PTF1A: variants seen among roughly 807,000 people sequenced by gnomAD.
The protein encoded by PTF1A is pancreas associated transcription factor 1a, also known as pancreas transcription factor 1 subunit alpha.
Under a neutral mutation model 22.6 loss-of-function variants are expected in PTF1A, and 18 were observed. The ratio of observed to expected loss-of-function variants is 0.80; its 90% CI spans 0.55 to 1.18. The LOEUF is 1.18. Among genes scored for constraint, PTF1A ranks in the 50% most tolerant of loss-of-function variants. PTF1A has a pLI of 0.00. For missense variants in PTF1A, 477 were observed against 473.0 expected, an observed-to-expected ratio of 1.01 and a Z score of -0.08; for synonymous variants, 259 against 227.9, an observed-to-expected ratio of 1.14 and a Z score of -1.23.
intron 1 of PTF1A, 114 bp from the exon 2 acceptor site, chr10:23,193,590 G>T (rs1840926096): frequency 1.1e-6 from 1 of 884,780 alleles, no homozygotes; most frequent in Non-Finnish European, 1.9e-6. Flanking sequence ...TGGAGGAAGA[G>T]GGTGGTTCTA....
Position 23,193,255 on chromosome 10 carries a change from T to C in PTF1A, c.725T>C (p.Leu242Pro). 8.0e-7 allele frequency: 1 copy of C among 1,246,238 alleles called. No individual in the cohort carries two copies. Among genetic ancestry groups the C allele is most frequent in the East Asian group, 3.2e-5 (1 of 30,922 alleles). 77.2% of individuals were successfully genotyped at this position (1,246,238 alleles called of 1,614,324 possible). Residue 242 changes from leucine to proline, a missense_variant, in exon 1 of 2, where the codon CTG becomes CCG. By Grantham distance (98) the Leu-to-Pro change is moderately conservative. Coordinates refer to ENST00000376504, the MANE Select transcript of PTF1A (RefSeq NM_178161.3). ...GGGGGGCCGGGCGGCGGCGGGCGCC[T>C]GGGCGGGGACAGCCCGGGCAGCCAG... The part of the protein sequence containing the change: ...GCGGPGGGGR[L>P]GGDSPGSQAQ...
rs1439245341 is a variant in PTF1A, at chr10:23,193,867, C to T, written c.948C>T (p.Asn316=). The T allele has an allele frequency of 1.2e-6, 2 of 1,614,108 alleles. No individual in the cohort carries two copies. The highest frequency in any genetic ancestry group is 1.7e-5 in the Admixed American group (1 of 60,020). ...PRKLNSKSSF[N]NIENEPPFEF... Reference sequence around the variant, plus strand: ...AACTCAACAGCAAATCTTCCTTCAACAACATAGAAAACGAACCACCATTTG... The same window carrying T: ...AACTCAACAGCAAATCTTCCTTCAATAACATAGAAAACGAACCACCATTTG... Residue 316 remains asparagine (N), a synonymous_variant, in exon 2 of 2, where the codon AAC becomes AAT. Transcript: ENST00000376504.
rs773773722 is a variant in PTF1A at position 23,193,747 on chromosome 10, A to T, written c.828A>T (p.Leu276=). Residue 276 remains leucine, a synonymous_variant, in exon 2 of 2, where the codon CTA becomes CTT. Coordinates refer to ENST00000376504, the MANE Select transcript of PTF1A (RefSeq NM_178161.3). ...ACCCTGATTATGGCCTCCCTCCCCT[A>T]GCAGGACACTCTCTCTCATGGACTG... ...PSDPDYGLPP[L]AGHSLSWTDE... is the part of the protein sequence containing the mutation. 6.2e-7 allele frequency: 1 copy of T among 1,613,510 alleles called. No homozygotes were observed. Among genetic ancestry groups the T allele is most frequent in the African/African-American group, 1.3e-5 (1 of 74,876 alleles).
In PTF1A at chr10:23,193,724, C is replaced by A; in HGVS notation, c.805C>A (p.Pro269Thr). 6.2e-7 allele frequency: 1 copy of A among 1,612,664 alleles called. No homozygotes were observed. The highest frequency in any genetic ancestry group is 8.5e-7 in the Non-Finnish European group (1 of 1,178,886). ...RGTRSPSPSD[P>T]DYGLPPLAGH... Reference sequence around the variant, plus strand: ...TCCAGGGTCCCCCTCCCCCAGCGACCCTGATTATGGCCTCCCTCCCCTAGC... The same window carrying A: ...TCCAGGGTCCCCCTCCCCCAGCGACACTGATTATGGCCTCCCTCCCCTAGC... The change falls in exon 2 of 2, where the codon CCT becomes ACT. Residue 269 changes from proline to threonine, a missense_variant. Pro to Thr is a conservative substitution (Grantham distance 38). Coordinates refer to ENST00000376504, the MANE Select transcript of PTF1A (RefSeq NM_178161.3).
Position 23,193,820 on chromosome 10 carries a change from TGGACCCCAGA to T in PTF1A, c.912_921del (p.Asp305AsnfsTer11), listed in dbSNP as rs1840930653. ...AAATATTATCCGAACAGCCAAAGTC[TGGACCCCAGA>T]GGACCCCAGAAAACTCAACAGCAAA... On this transcript the variant is annotated frameshift_variant, in exon 2 of 2. Coordinates refer to ENST00000376504, the MANE Select transcript of PTF1A (RefSeq NM_178161.3). LOFTEE classifies it high-confidence loss of function. 6.2e-7 allele frequency: 1 copy of T among 1,614,088 alleles called. No individual in the cohort carries two copies. Among genetic ancestry groups the T allele is most frequent in the Non-Finnish European group, 8.5e-7 (1 of 1,179,990 alleles).
At position 23,192,964 on chromosome 10, in the gene PTF1A, CG is replaced by C; in HGVS notation, c.436del (p.Ala146LeufsTer131). The C allele has an allele frequency of 8.8e-7, 1 of 1,138,022 alleles. No individual in the cohort carries two copies. Among genetic ancestry groups the C allele is most frequent in the Non-Finnish European group, 1.1e-6 (1 of 930,590 alleles). 70.5% of individuals were successfully genotyped at this position (1,138,022 alleles called of 1,614,324 possible). On this transcript the variant is annotated frameshift_variant, in exon 1 of 2. Coordinates refer to ENST00000376504, the MANE Select transcript of PTF1A (RefSeq NM_178161.3). LOFTEE classifies it high-confidence loss of function. ...GARLRGLSGA[A>X]AAAARRRRRV... ...CGGCTGCGCGGCCTGAGCGGAGCGG[CG>C]GCTGCGGCGGCGCGGCGCCGGCGGC...
At position 23,194,160 on chromosome 10, in the gene PTF1A, G is replaced by A. The variant is rs994175386; in HGVS notation, c.*254G>A. On this transcript the variant is annotated 3_prime_UTR_variant, in exon 2 of 2. Transcript: ENST00000376504. Reference sequence around the variant, plus strand: ...TTTCCTGAACTCTGTGTTGTTGGGAGAACTCTGGCCAGAAAACGTCCTGCT... The same window carrying A: ...TTTCCTGAACTCTGTGTTGTTGGGAAAACTCTGGCCAGAAAACGTCCTGCT... The A allele has an allele frequency of 2.8e-5, 12 of 425,790 alleles. No individual in the cohort carries two copies. The highest frequency in any genetic ancestry group is 4.6e-5 in the Non-Finnish European group (11 of 240,268). 26.4% of individuals were successfully genotyped at this position (425,790 alleles called of 1,614,324 possible).
Position 23,193,127 on chromosome 10 carries a change from C to A in PTF1A, c.597C>A (p.Leu199=). ...HIPTLPYEKR[L]SKVDTLRLAI... ...CCACGCTGCCCTACGAGAAGCGCCT[C>A]TCCAAGGTGGACACGCTGCGCCTGG... is the stretch of plus-strand genomic sequence containing the variant. The change falls in exon 1 of 2, where the codon CTC becomes CTA. Residue 199 remains leucine, a synonymous_variant. Transcript: ENST00000376504. The A allele has an allele frequency of 6.9e-7, 1 of 1,447,294 alleles. No individual in the cohort carries two copies. The highest frequency in any genetic ancestry group is 9.1e-7 in the Non-Finnish European group (1 of 1,094,346). The allele number at this position is 1,447,294 out of a possible 1,614,324, so 89.7% of individuals were successfully genotyped here.
rs1840910519 is a variant in PTF1A, at chr10:23,192,875, C to T, written c.345C>T (p.Pro115=). The change falls in exon 1 of 2, where the codon CCC becomes CCT. Residue 115 remains proline, a synonymous_variant. Coordinates refer to ENST00000376504, the MANE Select transcript of PTF1A (RefSeq NM_178161.3). ...CCCCAGGCGGCTTCCCCTACTCGCC[C>T]GGCTCGCCGCCCTCGTGCCTGGCCT... is the stretch of plus-strand genomic sequence containing the variant. ...GAPPGGFPYS[P]GSPPSCLAYP... is the part of the protein sequence containing the mutation. 5 of 1,314,484 alleles carry T rather than the reference C, an allele frequency of 3.8e-6. No homozygotes were observed. Among genetic ancestry groups the T allele is most frequent in the Non-Finnish European group, 2.9e-6 (3 of 1,029,298 alleles). The allele number at this position is 1,314,484 out of a possible 1,614,324, so 81.4% of individuals were successfully genotyped here. A position where few individuals can be genotyped will look rare whatever the true frequency, so the allele number is the denominator to read the frequency against.
In PTF1A at chr10:23,192,432, C is replaced by T; in HGVS notation, c.-99C>T. Reference sequence around the variant, plus strand: ...CCGGCGGCCGCCTAGCTGCCCCCAGCCAGGGCCCCGGGAGGGAGGGGCTCG... The same window carrying T: ...CCGGCGGCCGCCTAGCTGCCCCCAGTCAGGGCCCCGGGAGGGAGGGGCTCG... On this transcript the variant is annotated 5_prime_UTR_variant, in exon 1 of 2. Coordinates refer to ENST00000376504, the MANE Select transcript of PTF1A (RefSeq NM_178161.3). 1.3e-6 allele frequency: 2 copies of T among 1,521,860 alleles called. No individual in the cohort carries two copies. The highest frequency in any genetic ancestry group is 1.8e-6 in the Non-Finnish European group (2 of 1,138,920). The allele number at this position is 1,521,860 out of a possible 1,614,324, so 94.3% of individuals were successfully genotyped here.
chr10:23,192,452 G>A lies in PTF1A; in HGVS notation c.-79G>A, dbSNP rs1840899119. 6.4e-7 allele frequency: 1 copy of A among 1,567,070 alleles called. No homozygotes were observed. The highest frequency in any genetic ancestry group is 1.8e-5 in the Admixed American group (1 of 56,902). On this transcript the variant is annotated 5_prime_UTR_variant, in exon 1 of 2. Coordinates refer to ENST00000376504, the MANE Select transcript of PTF1A (RefSeq NM_178161.3). ...CCCAGCCAGGGCCCCGGGAGGGAGGGGCTCGGACGGGCCTTAGAAACTCAC... is the reference window on the plus strand; with the variant it reads ...CCCAGCCAGGGCCCCGGGAGGGAGGAGCTCGGACGGGCCTTAGAAACTCAC...
rs1376707820 is a variant in PTF1A, at chr10:23,192,744, C to A, written c.214C>A (p.Pro72Thr). Residue 72 changes from proline to threonine, a missense_variant, in exon 1 of 2, where the codon CCC (proline) becomes ACC (threonine). Pro to Thr is a conservative substitution (Grantham distance 38). Transcript: ENST00000376504. ...CGACGGGGCGTGCCTGCTGCTGCAG[C>A]CCGCGCCCCCGGCCGCCCCGCTAGC... is the stretch of plus-strand genomic sequence containing the variant. ...YRDGACLLLQPAPPAAPLALA... is the reference protein window; with the variant it reads ...YRDGACLLLQTAPPAAPLALA... 6.9e-7 allele frequency: 1 copy of A among 1,456,176 alleles called. No homozygotes were observed. Among genetic ancestry groups the A allele is most frequent in the South Asian group, 1.4e-5 (1 of 73,248 alleles). The allele number at this position is 1,456,176 out of a possible 1,614,324, so 90.2% of individuals were successfully genotyped here.
In PTF1A at chr10:23,192,580, C is replaced by T. The variant is rs1428637479; in HGVS notation, c.50C>T (p.Pro17Leu). 6.2e-7 allele frequency: 1 copy of T among 1,601,734 alleles called. No homozygotes were observed. Among genetic ancestry groups the T allele is most frequent in the Non-Finnish European group, 8.5e-7 (1 of 1,174,340 alleles). The change falls in exon 1 of 2, where the codon CCT (proline) becomes CTT (leucine). Residue 17 changes from proline to leucine, a missense_variant. Pro to Leu is a moderately conservative substitution (Grantham distance 98). Transcript: ENST00000376504. ...TTCCCCGGGGGCCTAGACGCCTTTC[C>T]TTCTTCGTACTTCGACGAGGACGAC... ...EHFPGGLDAF[P>L]SSYFDEDDFF... is the part of the protein sequence containing the mutation.
At chr10:23,193,599 T>C (rs1840926259) in intron 1 of PTF1A, 105 bp from the exon 2 acceptor site, 1 of 907,522 alleles carries the variant, frequency 1.1e-6, no homozygotes, top group Non-Finnish European at 1.8e-6. Context: ...AGGGTGGTTC[T>C]AGTATAACCG....
In PTF1A at chr10:23,192,935, G is replaced by A. The variant is rs1481442364; in HGVS notation, c.405G>A (p.Gly135=). The A allele has an allele frequency of 4.2e-6, 5 of 1,188,778 alleles. No homozygotes were observed. Among genetic ancestry groups the A allele is most frequent in the East Asian group, 7.5e-5 (2 of 26,800 alleles). The allele number at this position is 1,188,778 out of a possible 1,614,324, so 73.6% of individuals were successfully genotyped here. A position where few individuals can be genotyped will look rare whatever the true frequency, so the allele number is the denominator to read the frequency against. The change falls in exon 1 of 2, where the codon GGG becomes GGA. Residue 135 remains glycine (G), a synonymous_variant. Coordinates refer to ENST00000376504, the MANE Select transcript of PTF1A (RefSeq NM_178161.3). ...CCGGGGCGGCAGTACTGTCTCCCGG[G>A]GCGCGGCTGCGCGGCCTGAGCGGAG... The part of the protein sequence containing the change: ...PCAGAAVLSP[G]ARLRGLSGAA...
Position 23,193,271 on chromosome 10 carries a change from G to C in PTF1A, c.741G>C (p.Pro247=), listed in dbSNP as rs1401935523. The C allele has an allele frequency of 2.4e-6, 3 of 1,246,764 alleles. No homozygotes were observed. The highest frequency in any genetic ancestry group is 3.0e-6 in the Non-Finnish European group (3 of 1,003,734). 77.2% of individuals were successfully genotyped at this position (1,246,764 alleles called of 1,614,324 possible). A position where few individuals can be genotyped will look rare whatever the true frequency, so the allele number is the denominator to read the frequency against. The change falls in exon 1 of 2, where the codon CCG becomes CCC. Residue 247 remains proline, a synonymous_variant. Coordinates refer to ENST00000376504, the MANE Select transcript of PTF1A (RefSeq NM_178161.3). ...GCGGGCGCCTGGGCGGGGACAGCCC[G>C]GGCAGCCAGGCCCAGAAGGTCATCA... ...GGGGRLGGDS[P]GSQAQKVIIC...
rs1840901163 is a variant in PTF1A at position 23,192,541 on chromosome 10, T to C, written c.11T>C (p.Val4Ala). MDA[V>A]LLEHFPGGLD... is the part of the protein sequence containing the mutation. ...ACTGCGGCGGCGAGCATGGACGCGG[T>C]GTTGCTGGAGCACTTCCCCGGGGGC... is the stretch of plus-strand genomic sequence containing the variant. The change falls in exon 1 of 2, where the codon GTG becomes GCG. Residue 4 changes from valine (V) to alanine (A), a missense_variant. By Grantham distance (64) the Val-to-Ala change is moderately conservative. Coordinates refer to ENST00000376504, the MANE Select transcript of PTF1A (RefSeq NM_178161.3). 3 of 1,588,398 alleles carry C rather than the reference T, an allele frequency of 1.9e-6. No homozygotes were observed. Among genetic ancestry groups the C allele is most frequent in the Non-Finnish European group, 2.6e-6 (3 of 1,168,770 alleles).
rs759032576 is a variant in PTF1A at position 23,193,756 on chromosome 10, C to G, written c.837C>G (p.His279Gln). Reference sequence around the variant, plus strand: ...ATGGCCTCCCTCCCCTAGCAGGACACTCTCTCTCATGGACTGATGAAAAAC... The same window carrying G: ...ATGGCCTCCCTCCCCTAGCAGGACAGTCTCTCTCATGGACTGATGAAAAAC... ...PDYGLPPLAG[H>Q]SLSWTDEKQL... Residue 279 changes from histidine (H) to glutamine (Q), a missense_variant, in exon 2 of 2, where the codon CAC becomes CAG. His to Gln is a conservative substitution (Grantham distance 24, BLOSUM62 0). Coordinates refer to ENST00000376504, the MANE Select transcript of PTF1A (RefSeq NM_178161.3). 9 of 1,613,774 alleles carry G rather than the reference C, an allele frequency of 5.6e-6. No individual in the cohort carries two copies. The highest frequency in any genetic ancestry group is 7.6e-6 in the Non-Finnish European group (9 of 1,179,762).
chr10:23,192,912 G>A lies in PTF1A; in HGVS notation c.382G>A (p.Gly128Arg). ...PPSCLAYPCA[G>R]AAVLSPGARL... ...CTCGTGCCTGGCCTACCCGTGCGCC[G>A]GGGCGGCAGTACTGTCTCCCGGGGC... The change falls in exon 1 of 2, where the codon GGG becomes AGG. Residue 128 changes from glycine to arginine, a missense_variant. Transcript: ENST00000376504. 1 of 1,262,276 alleles carries A rather than the reference G, an allele frequency of 7.9e-7. No homozygotes were observed. Among genetic ancestry groups the A allele is most frequent in the Non-Finnish European group, 1.0e-6 (1 of 999,998 alleles). 78.2% of individuals were successfully genotyped at this position (1,262,276 alleles called of 1,614,324 possible).
Sources: allele counts gnomAD v4.1 joint callset, GRCh38; gene constraint gnomAD v4.1.1; transcripts MANE v1.5; gene names NCBI Gene and HGNC (gene_info 2026-07-23, HGNC 2026-07-21).